Variants in CEP44 observed in about 807,000 individuals in gnomAD.
CEP44 encodes centrosomal protein 44, also known as centrosomal protein of 44 kDa.
In CEP44, 45 loss-of-function variants were observed where a neutral mutation model predicts 46.7. That is an observed-to-expected ratio of 0.96 (90% confidence interval 0.76 to 1.24). The LOEUF is 1.24. CEP44 is among the 50% of genes most tolerant of loss of function. The probability of loss-of-function intolerance (pLI) is 0.00; values close to 1 mark genes in which losing one functional copy is unlikely to be tolerated. For synonymous variants in CEP44, 142 were observed against 146.0 expected (o/e 0.97, Z 0.20); for missense variants, 475 against 459.7 (o/e 1.03, Z -0.30).
At chr4:174,291,554 C>T (rs766435941) in intron 1 of CEP44, among the ~76,000 whole-genome samples, 2 of 152,014 alleles carry the variant, frequency 1.3e-5, no homozygotes, top group Non-Finnish European at 1.5e-5. Context: ...ATGAGATTTA[C>T]GTGCCACAGA....
In CEP44 at chr4:174,331,853, T is replaced by G. The variant is rs775349978; in HGVS notation, c.*258T>G. On this transcript the variant is annotated 3_prime_UTR_variant, in exon 9 of 9. Coordinates refer to the CEP44 transcript ENST00000426172. The surrounding 1 kb of genome is among the most constrained non-coding windows in gnomAD (Gnocchi z 4.5). ...CCTCACTCATATTTTTCATGTGGGT[T>G]TATAGCTTTCATATTTCTTTATTAT... 14 of 381,646 alleles carry G rather than the reference T, an allele frequency of 3.7e-5. No homozygotes were observed. Among genetic ancestry groups the G allele is most frequent in the Non-Finnish European group, 6.5e-5 (14 of 216,430 alleles). The allele number at this position is 381,646 out of a possible 1,614,324, so 23.6% of individuals were successfully genotyped here. A position where few individuals can be genotyped will look rare whatever the true frequency, so the allele number is the denominator to read the frequency against.
chr4:174,319,790 C>T lies in CEP44; in HGVS notation c.*2407C>T. 1.1e-6 allele frequency: 1 copy of T among 951,804 alleles called. No homozygotes were observed. The highest frequency in any genetic ancestry group is 1.3e-6 in the Non-Finnish European group (1 of 799,118). 59.0% of individuals were successfully genotyped at this position (951,804 alleles called of 1,614,324 possible). A position where few individuals can be genotyped will look rare whatever the true frequency, so the allele number is the denominator to read the frequency against. On this transcript the variant is annotated 3_prime_UTR_variant, in exon 12 of 12. Transcript: ENST00000503780. ...TTACAAAGAGTCTTTATCTAGACAA[C>T]ATAATTTTTGGAAAAATAAAGCAAA... is the stretch of plus-strand genomic sequence containing the variant.
chr4:174,292,928 T>C (rs1432262664), intron 1 of CEP44, among the ~76,000 whole-genome samples: 1 of 152,226 alleles, frequency 6.6e-6, no homozygotes, highest in Non-Finnish European at 1.5e-5. Flanking sequence ...CTTTGGCATG[T>C]TGTATTTACT....
intron 1 of CEP44, among the ~76,000 whole-genome samples, chr4:174,292,602 G>A (rs992262624): frequency 1.2e-4 from 18 of 151,828 alleles, no homozygotes; most frequent in Admixed American, 8.5e-4. Flanking sequence ...TCATATGACC[G>A]GTGTTCAGGT....
At chr4:174,332,991 T>C (rs1210114517) in exon 9 of CEP44, 5 of 152,198 alleles carry the variant, frequency 3.3e-5, no homozygotes, top group South Asian at 2.1e-4. Context: ...TTCTTCGGAA[T>C]TTACTGAAAA....
At chr4:174,291,443 T>C (rs986102306) in intron 1 of CEP44, among the ~76,000 whole-genome samples, 14 of 152,168 alleles carry the variant, frequency 9.2e-5, no homozygotes, top group Non-Finnish European at 1.5e-5. Context: ...GTAATTGATT[T>C]CAGATTTTAC....
At chr4:174,323,369 A>G (rs918716594), downstream of CEP44, among the ~76,000 whole-genome samples, 17 of 152,186 alleles carry the variant, frequency 1.1e-4, no homozygotes, top group East Asian at 1.9e-4. Flanking sequence ...AAATTCACCA[A>G]TTTCAGTCAT....
Position 174,331,729 on chromosome 4 carries a change from C to A in CEP44, c.*134C>A, listed in dbSNP as rs1016937810. ...GCTCCAGCTCTTTTAATGGGCATAT[C>A]AAAACTGATGACTTTTTCCTTCCTG... On this transcript the variant is annotated 3_prime_UTR_variant, in exon 9 of 9. Coordinates refer to the CEP44 transcript ENST00000426172. The surrounding 1 kb of genome is among the most constrained non-coding windows in gnomAD (Gnocchi z 4.5). 4 of 1,169,712 alleles carry A rather than the reference C, an allele frequency of 3.4e-6. No individual in the cohort carries two copies. Among genetic ancestry groups the A allele is most frequent in the African/African-American group, 3.1e-5 (2 of 65,070 alleles). The allele number at this position is 1,169,712 out of a possible 1,614,324, so 72.5% of individuals were successfully genotyped here. A position where few individuals can be genotyped will look rare whatever the true frequency, so the allele number is the denominator to read the frequency against.
chr4:174,284,089 C>G (rs1328153259), intron 1 of CEP44, 146 bp downstream of exon 1: 1 of 399,054 alleles, frequency 2.5e-6, no homozygotes, highest in Non-Finnish European at 4.4e-6. Flanking sequence ...CCGTTTTCCT[C>G]TCCCTGTCGT....
exon 9 of CEP44, chr4:174,333,101 A>C (rs187219464): frequency 3.3e-5 from 5 of 152,078 alleles, no homozygotes; most frequent in Non-Finnish European, 5.9e-5. Flanking sequence ...TTTAGTGGGC[A>C]TTTTCAGAAA....
At position 174,331,417 on chromosome 4, in the gene CEP44, A is replaced by G; in HGVS notation, c.1087-65A>G. The G allele has an allele frequency of 1.3e-6, 2 of 1,519,838 alleles. No individual in the cohort carries two copies. The highest frequency in any genetic ancestry group is 4.0e-5 in the Admixed American group (2 of 50,336). 94.1% of individuals were successfully genotyped at this position (1,519,838 alleles called of 1,614,324 possible). Reference sequence around the variant, plus strand: ...GCACTCTGACACTGCTCTAATTCCTATCTACCCATTCTGCCAATGCATTTA... The same window carrying G: ...GCACTCTGACACTGCTCTAATTCCTGTCTACCCATTCTGCCAATGCATTTA... On this transcript the variant is annotated intron_variant, in intron 8 of 8. Coordinates refer to the CEP44 transcript ENST00000426172. The surrounding 1 kb of genome is among the most constrained non-coding windows in gnomAD (Gnocchi z 4.5).
exon 9 of CEP44, chr4:174,332,231 G>A (rs1731354347): frequency 1.3e-5 from 2 of 152,256 alleles, no homozygotes; most frequent in Admixed American, 1.3e-4. Flanking sequence ...TAGGCTAAAG[G>A]TACGGTGTTC....
Position 174,297,225 on chromosome 4 carries a change from G to A in CEP44, c.-147-741G>A, listed in dbSNP as rs557337600. Among the ~76,000 whole-genome samples the A allele has an allele frequency of 6.6e-6, 1 of 151,324 alleles. No homozygotes were observed. The highest frequency in any genetic ancestry group is 2.4e-5 in the African/African-American group (1 of 41,232). ...TTTATATCCTTCTATTCTTGTTTTA[G>A]GTTTTAATTTTTTTTTCTAATCTCA... On this transcript the variant is annotated intron_variant, in intron 1 of 11. Coordinates refer to ENST00000503780, the MANE Select transcript of CEP44 (RefSeq NM_001040157.3). The surrounding 1 kb of genome is among the most constrained non-coding windows in gnomAD (Gnocchi z 4.3).
Position 174,311,384 on chromosome 4 carries a change from G to A in CEP44, c.961+526G>A, listed in dbSNP as rs1158926623. On this transcript the variant is annotated intron_variant, in intron 9 of 11. Transcript: ENST00000503780. This position sits in a 1 kb window ranked among gnomAD's most constrained non-coding sequence, Gnocchi z 4.4. ...TTGCTTAGTGTGACTGAGCAGCAAG[G>A]GTAAGATTTCTGTTTTTCAGTGACA... Among the ~76,000 whole-genome samples, 1 of 151,898 alleles carries A rather than the reference G, an allele frequency of 6.6e-6. No individual in the cohort carries two copies. The highest frequency in any genetic ancestry group is 1.5e-5 in the Non-Finnish European group (1 of 67,908).
rs1434395994 is a variant in CEP44, at chr4:174,310,742, T to G, written c.886-41T>G. The G allele has an allele frequency of 2.1e-6, 2 of 938,276 alleles. No individual in the cohort carries two copies. Among genetic ancestry groups the G allele is most frequent in the East Asian group, 4.9e-5 (2 of 40,770 alleles). 58.1% of individuals were successfully genotyped at this position (938,276 alleles called of 1,614,324 possible). ...TAAGAATATAAAATGAGAGGGTTTT[T>G]CTTTTTATTTCATTCTAAATATTTA... On this transcript the variant is annotated intron_variant, in intron 8 of 11. Transcript: ENST00000503780. This position sits in a 1 kb window ranked among gnomAD's most constrained non-coding sequence, Gnocchi z 4.2.
rs955760484 is a variant in CEP44, at chr4:174,325,745, T to C, written c.1087-5737T>C. Reference sequence around the variant, plus strand: ...TTTATTTTTTCTTTCAGTTCTATCATGTATTTTTAAACCTGTTTTTAAATG... The same window carrying C: ...TTTATTTTTTCTTTCAGTTCTATCACGTATTTTTAAACCTGTTTTTAAATG... On this transcript the variant is annotated intron_variant, in intron 8 of 8. Transcript: ENST00000426172. This position sits in a 1 kb window ranked among gnomAD's most constrained non-coding sequence, Gnocchi z 4.4. Among the ~76,000 whole-genome samples, 1 of 152,196 alleles carries C rather than the reference T, an allele frequency of 6.6e-6. No individual in the cohort carries two copies. Among genetic ancestry groups the C allele is most frequent in the African/African-American group, 2.4e-5 (1 of 41,448 alleles).
At position 174,331,189 on chromosome 4, in the gene CEP44, A is replaced by G. The variant is rs1731303367; in HGVS notation, c.1087-293A>G. Among the ~76,000 whole-genome samples, 1 of 152,036 alleles carries G rather than the reference A, an allele frequency of 6.6e-6. No individual in the cohort carries two copies. Among genetic ancestry groups the G allele is most frequent in the South Asian group, 2.1e-4 (1 of 4,814 alleles). The stretch of plus-strand genomic sequence containing the variant: ...AATTATGTTACCAATTTTTTAATTA[A>G]AGTAAGACAATTGCATAGATTTCTT... On this transcript the variant is annotated intron_variant, in intron 8 of 8. Transcript: ENST00000426172. This position sits in a 1 kb window ranked among gnomAD's most constrained non-coding sequence, Gnocchi z 4.5.
chr4:174,325,583 A>G lies in CEP44; in HGVS notation c.1087-5899A>G, dbSNP rs997634987. On this transcript the variant is annotated intron_variant, in intron 8 of 8. Transcript: ENST00000426172. The surrounding 1 kb of genome is among the most constrained non-coding windows in gnomAD (Gnocchi z 4.4). ...GGTGGGAAGATAACTTGAGCTGAGG[A>G]GGTTGTGGCTTCAGTGAGCTATGAA... 2.0e-5 allele frequency among the ~76,000 whole-genome samples: 3 copies of G among 152,098 alleles called. No homozygotes were observed. Among genetic ancestry groups the G allele is most frequent in the African/African-American group, 7.2e-5 (3 of 41,424 alleles).
intron 8 of CEP44, among the ~76,000 whole-genome samples, chr4:174,327,346 C>T (rs780393225): frequency 3.3e-5 from 5 of 151,562 alleles, no homozygotes; most frequent in Non-Finnish European, 4.4e-5. Flanking sequence ...ATACCATCTT[C>T]GTGTTAGGAA....
Sources: gnomAD v4.1 joint callset for allele counts (sites outside exome capture counted in the v4.1 genomes callset) on GRCh38, gnomAD v4.1.1 for gene constraint, Gnocchi (gnomAD v3.1) non-coding constraint, MANE v1.5 for transcripts, NCBI Gene and HGNC (gene_info 2026-07-23, HGNC 2026-07-21) for gene names.